The following SLC35F4 variants were observed in gnomAD, a reference collection of about 807,000 sequenced individuals.
The protein encoded by SLC35F4 is chromosome 14 open reading frame 36.
Under a neutral mutation model 44.2 loss-of-function variants are expected in SLC35F4, and 24 were observed. That is an observed-to-expected ratio of 0.54 (90% CI 0.39 to 0.76). The LOEUF (loss-of-function observed/expected upper bound fraction) is 0.76, where lower values mean the gene tolerates loss of function less well. Among genes scored for constraint, SLC35F4 ranks in the 30% least tolerant of loss-of-function variants. The probability of loss-of-function intolerance (pLI) is 0.00; values close to 1 mark genes in which losing one functional copy is unlikely to be tolerated. For missense variants in SLC35F4, 562 were observed against 586.1 expected (o/e 0.96, Z 0.42); for synonymous variants, 238 against 223.6 (o/e 1.06, Z -0.57).
At chr14:57,574,839 G>C (rs557528188) in intron 4 of SLC35F4, among the ~76,000 whole-genome samples, 1 of 148,526 alleles carries the variant, frequency 6.7e-6, no homozygotes, top group Non-Finnish European at 1.5e-5. Flanking sequence ...TCCTAAGCAC[G>C]TATCAGTCAC....
At chr14:57,916,061 G>T (rs748757240) in intron 1 of SLC35F4, among the ~76,000 whole-genome samples, 5 of 152,272 alleles carry the variant, frequency 3.3e-5, no homozygotes, top group African/African-American at 4.8e-5. Context: ...ATAAAGAAAA[G>T]AAATTTATTT....
intron 1 of SLC35F4, among the ~76,000 whole-genome samples, chr14:57,761,287 A>T (rs1025050695): frequency 2.0e-5 from 3 of 152,180 alleles, no homozygotes; most frequent in African/African-American, 7.2e-5. Flanking sequence ...ATCTTTTCTG[A>T]TCAATCTTGA....
At chr14:57,876,442 C>T (rs979256909) in intron 1 of SLC35F4, among the ~76,000 whole-genome samples, 7 of 151,976 alleles carry the variant, frequency 4.6e-5, no homozygotes, top group South Asian at 2.1e-4. Context: ...AAAATGAGAG[C>T]GCGAGGGAGT....
At chr14:57,849,591 A>C (rs1014154276) in intron 1 of SLC35F4, among the ~76,000 whole-genome samples, 3 of 152,244 alleles carry the variant, frequency 2.0e-5, no homozygotes, top group African/African-American at 7.2e-5. Context: ...ATAAAACAAG[A>C]ATAAAATGCT....
At chr14:57,977,167 T>C (rs1169561230) in intron 1 of SLC35F4, among the ~76,000 whole-genome samples, 1 of 152,154 alleles carries the variant, frequency 6.6e-6, no homozygotes, top group Non-Finnish European at 1.5e-5. Context: ...ATGAAAAAGA[T>C]ATAGTGCTTA....
At chr14:57,755,569 A>G (rs1423802042) in intron 1 of SLC35F4, among the ~76,000 whole-genome samples, 1 of 152,192 alleles carries the variant, frequency 6.6e-6, no homozygotes, top group Non-Finnish European at 1.5e-5. Context: ...TAACACTGCT[A>G]TATTTTATGT....
intron 1 of SLC35F4, among the ~76,000 whole-genome samples, chr14:57,775,910 A>G (rs2077477000): frequency 6.6e-6 from 1 of 152,228 alleles, no homozygotes; most frequent in South Asian, 2.1e-4. Context: ...TCACAATAAA[A>G]TGATACAGAA....
chr14:57,763,951 C>A (rs1383733853), intron 1 of SLC35F4, among the ~76,000 whole-genome samples: 1 of 152,178 alleles, frequency 6.6e-6, no homozygotes, highest in African/African-American at 2.4e-5. Flanking sequence ...TCTGAAACTT[C>A]CAGGTTAGAT....
At chr14:57,828,380 G>C (rs539720099) in intron 1 of SLC35F4, among the ~76,000 whole-genome samples, 6 of 152,176 alleles carry the variant, frequency 3.9e-5, no homozygotes, top group Admixed American at 2.0e-4. Context: ...AACACTAACA[G>C]AAAGAGAGTA....
At chr14:57,701,849 G>A (rs10139807) in intron 1 of SLC35F4, among the ~76,000 whole-genome samples, 18,973 of 152,022 alleles carry the variant, frequency 0.12, 1,439 homozygotes, top group African/African-American at 0.2. Context: ...ATATCTTACC[G>A]TATTGTACTT....
intron 1 of SLC35F4, among the ~76,000 whole-genome samples, chr14:57,876,026 G>A (rs1367832071): frequency 1.3e-5 from 2 of 152,130 alleles, no homozygotes; most frequent in African/African-American, 2.4e-5. Flanking sequence ...GCAAAATCTG[G>A]CATTAAAAGG....
At chr14:57,621,883 C>A (rs2072200167) in intron 1 of SLC35F4, among the ~76,000 whole-genome samples, 1 of 150,264 alleles carries the variant, frequency 6.7e-6, no homozygotes, top group African/African-American at 2.4e-5. Context: ...AACAGGCAAC[C>A]CACAAAATGG....
chr14:57,722,305 G>A (rs1334541826), intron 1 of SLC35F4, among the ~76,000 whole-genome samples: 2 of 152,168 alleles, frequency 1.3e-5, no homozygotes, highest in African/African-American at 2.4e-5. Flanking sequence ...TGAGTGAGCT[G>A]GAAATGACTT....
Position 57,746,327 on chromosome 14 carries a change from C to T in SLC35F4, c.103+119396G>A, listed in dbSNP as rs148463188. Among the ~76,000 whole-genome samples, 89 of 151,974 alleles carry T rather than the reference C, an allele frequency of 5.9e-4. 3 individuals are homozygous for T. The East Asian group carries it at 0.017, about 29-fold the overall frequency. On this transcript the variant is annotated intron_variant, in intron 1 of 7. Transcript: ENST00000556826. Reference sequence around the variant, plus strand: ...AGAAAGTTAATCAGGTTGATAAAGTCCCCTTCTGTTTCTATTTTACTGAGA... The same window carrying T: ...AGAAAGTTAATCAGGTTGATAAAGTTCCCTTCTGTTTCTATTTTACTGAGA...
intron 1 of SLC35F4, among the ~76,000 whole-genome samples, chr14:57,863,681 G>A (rs1003577025): frequency 6.6e-6 from 1 of 152,126 alleles, no homozygotes; most frequent in Admixed American, 6.6e-5. Context: ...ATGGTGCTCG[G>A]TTCCCTGGCC....
At chr14:57,692,825 G>A (rs907538307) in intron 1 of SLC35F4, among the ~76,000 whole-genome samples, 1 of 151,826 alleles carries the variant, frequency 6.6e-6, no homozygotes, top group African/African-American at 2.4e-5. Context: ...GTATACAGCA[G>A]CTACTCATTT....
chr14:57,770,812 G>A (rs565152414), intron 1 of SLC35F4, among the ~76,000 whole-genome samples: 9 of 152,110 alleles, frequency 5.9e-5, no homozygotes, highest in Admixed American at 1.3e-4. Context: ...ATTTATTATC[G>A]TGTAAGTTAC....
intron 2 of SLC35F4, among the ~76,000 whole-genome samples, chr14:57,592,413 C>T (rs933191834): frequency 6.6e-6 from 1 of 152,086 alleles, no homozygotes; most frequent in Admixed American, 6.5e-5. Flanking sequence ...CTGGAATATC[C>T]CCAAGTGCTT....
intron 1 of SLC35F4, among the ~76,000 whole-genome samples, chr14:57,799,881 G>C (rs73302984): frequency 0.028 from 4,328 of 152,292 alleles, 120 homozygotes; most frequent in African/African-American, 0.075. Context: ...AGCTCTGAGG[G>C]GGAGGTGCAG....
Sources: gnomAD v4.1 joint callset for allele counts (sites outside exome capture counted in the v4.1 genomes callset) on GRCh38, gnomAD v4.1.1 for gene constraint, MANE v1.5 for transcripts, NCBI Gene and HGNC (gene_info 2026-07-23, HGNC 2026-07-21) for gene names.